TCF4: variants seen among roughly 807,000 people sequenced by gnomAD.
TCF4 encodes SL3-3 enhancer factor 2.
A neutral mutation model predicts 82.1 loss-of-function variants in TCF4; 3 were observed. That is an observed-to-expected ratio of 0.04 (90% CI 0.02 to 0.09). The LOEUF is 0.09. Ranked by LOEUF, TCF4 falls within the 10% of genes least tolerant of loss-of-function variation. The pLI, the probability that TCF4 is intolerant of heterozygous loss-of-function variation, is 1.00. For missense variants in TCF4, 518 were observed against 852.7 expected, an observed-to-expected ratio of 0.61 and a Z score of 4.89; for synonymous variants, 276 against 309.6, an observed-to-expected ratio of 0.89 and a Z score of 1.14.
chr18:55,314,947 T>A (rs2073704678), intron 8 of TCF4, among the ~76,000 whole-genome samples: 1 of 152,058 alleles, frequency 6.6e-6, no homozygotes. Flanking sequence ...AAAAGCCAAG[T>A]CAAATGTTAG....
chr18:55,271,151 C>T (rs1039036704), intron 10 of TCF4, among the ~76,000 whole-genome samples: 1 of 152,066 alleles, frequency 6.6e-6, no homozygotes, highest in African/African-American at 2.4e-5. Context: ...TTGAATTCTA[C>T]CTCTTTCTTG....
At chr18:55,415,307 C>T (rs1450089580) in intron 5 of TCF4, among the ~76,000 whole-genome samples, 2 of 152,094 alleles carry the variant, frequency 1.3e-5, no homozygotes, top group Non-Finnish European at 2.9e-5. Context: ...AACGGCCATA[C>T]TCAGTATTAA....
intron 3 of TCF4, among the ~76,000 whole-genome samples, chr18:55,566,125 A>G (rs1490888002): frequency 6.6e-6 from 1 of 152,126 alleles, no homozygotes; most frequent in Non-Finnish European, 1.5e-5. Flanking sequence ...AGGCAGGAGA[A>G]TGGTGTGAAC....
At chr18:55,414,917 T>C (rs1013998875) in intron 5 of TCF4, among the ~76,000 whole-genome samples, 2 of 152,258 alleles carry the variant, frequency 1.3e-5, no homozygotes, top group Admixed American at 6.5e-5. Flanking sequence ...TTTTATAAAG[T>C]ATTATGATGT....
intron 15 of TCF4, among the ~76,000 whole-genome samples, chr18:55,249,633 T>C (rs991318526): frequency 1.1e-4 from 16 of 152,232 alleles, no homozygotes; most frequent in African/African-American, 3.9e-4. Context: ...CCTACTAGCC[T>C]GTGAATTCCT....
At chr18:55,447,169 G>C (rs1228008689) in intron 5 of TCF4, among the ~76,000 whole-genome samples, 1 of 151,998 alleles carries the variant, frequency 6.6e-6, no homozygotes, top group East Asian at 1.9e-4. Flanking sequence ...AAATTAGCCA[G>C]GTGTGGTGGC....
intron 8 of TCF4, among the ~76,000 whole-genome samples, chr18:55,295,590 T>C (rs562310323): frequency 1.3e-5 from 2 of 152,308 alleles, no homozygotes; most frequent in Admixed American, 6.5e-5. Flanking sequence ...GACTTTTAAA[T>C]TCAATTACTT....
intron 2 of TCF4, chr18:55,596,280 C>T: frequency 3.3e-6 from 1 of 307,414 alleles, no homozygotes; most frequent in South Asian, 2.4e-5. Context: ...TCACTTAAAG[C>T]TATGGCACAT....
At chr18:55,251,936 T>TTTTG (rs1221087542) in intron 15 of TCF4, among the ~76,000 whole-genome samples, 2 of 147,728 alleles carry the variant, frequency 1.4e-5, no homozygotes, top group African/African-American at 4.9e-5. Flanking sequence ...TGAGGTTTTT[T>TTTTG]TTTTTTTTTT....
At chr18:55,344,572 C>A (rs1317301754) in intron 8 of TCF4, among the ~76,000 whole-genome samples, 2 of 152,118 alleles carry the variant, frequency 1.3e-5, no homozygotes, top group Non-Finnish European at 2.9e-5. Context: ...CTTTTCTCAA[C>A]AAGTCCAGTT....
chr18:55,232,368 C>G, intron 17 of TCF4, 141 bp downstream of exon 17: 1 of 880,014 alleles, frequency 1.1e-6, no homozygotes, highest in South Asian at 1.6e-5. Context: ...ACTTTTAGTA[C>G]TTCTAGAGTA....
chr18:55,295,209 T>C (rs2066173395), intron 8 of TCF4, among the ~76,000 whole-genome samples: 1 of 152,206 alleles, frequency 6.6e-6, no homozygotes, highest in South Asian at 2.1e-4. Flanking sequence ...TGTTGTACCA[T>C]GTGTTGCTGT....
At chr18:55,433,087 A>G (rs1194629564) in intron 5 of TCF4, among the ~76,000 whole-genome samples, 7 of 152,200 alleles carry the variant, frequency 4.6e-5, no homozygotes, top group Non-Finnish European at 7.3e-5. Flanking sequence ...GATAACTTAT[A>G]TTTATATCTA....
rs144663022 is a variant in TCF4, at chr18:55,382,020, C to T, written c.369+21434G>A. Among the ~76,000 whole-genome samples the T allele has an allele frequency of 1.5e-3, 222 of 151,936 alleles. 1 individual carries two copies. The highest frequency in any genetic ancestry group is 4.2e-3 in the African/African-American group (173 of 41,446). On this transcript the variant is annotated intron_variant, in intron 6 of 19. Coordinates refer to ENST00000354452, the MANE Select transcript of TCF4 (RefSeq NM_001083962.2). The stretch of plus-strand genomic sequence containing the variant: ...CTTAGAAAATGGCAAAGTCCCTTGA[C>T]CTTCCTTGAAAAAGATATCTGACAT...
At chr18:55,588,636 G>C, upstream of TCF4, 2 of 1,432,760 alleles carry the variant, frequency 1.4e-6, no homozygotes, top group Non-Finnish European at 9.2e-7. Context: ...ACACGGCAAA[G>C]CAAGTTTATA....
At chr18:55,440,405 A>C (rs2095417764) in intron 5 of TCF4, among the ~76,000 whole-genome samples, 1 of 152,148 alleles carries the variant, frequency 6.6e-6, no homozygotes, top group Admixed American at 6.5e-5. Context: ...CTGTTTTAGC[A>C]GGATCCTGAT....
intron 8 of TCF4, 70 bp from the exon 9 acceptor site, chr18:55,279,726 TAAG>T: frequency 4.4e-6 from 7 of 1,605,422 alleles, no homozygotes; most frequent in Non-Finnish European, 6.0e-6. Context: ...CATTCTTATA[TAAG>T]AAGTAGGCAG....
Position 55,314,568 on chromosome 18 carries a change from T to TAA in TCF4, c.550-34914_550-34913dup, listed in dbSNP as rs35480166. Reference sequence around the variant, plus strand: ...TGAGTCATACAGTATTTATTCTCCTTAAAAAAAAAAAAAGACCACACATTC... The same window carrying TAA: ...TGAGTCATACAGTATTTATTCTCCTTAAAAAAAAAAAAAAAGACCACACATTC... On this transcript the variant is annotated intron_variant, in intron 8 of 19. Transcript: ENST00000354452. 2.6e-3 allele frequency among the ~76,000 whole-genome samples: 380 copies of TAA among 144,012 alleles called. 7 individuals are homozygous for TAA. The East Asian group carries it at 0.032, about 12-fold the overall frequency. The allele number at this position is 144,012 out of a possible 152,430, so 94.5% of individuals were successfully genotyped here.
intron 6 of TCF4, among the ~76,000 whole-genome samples, chr18:55,374,772 T>C (rs1258337152): frequency 6.7e-6 from 1 of 149,606 alleles, no homozygotes; most frequent in African/African-American, 2.5e-5. Context: ...TGGTGGCATG[T>C]GCCTATAGTC....
Sources: gnomAD v4.1 joint callset for allele counts (sites outside exome capture counted in the v4.1 genomes callset) on GRCh38, gnomAD v4.1.1 for gene constraint, MANE v1.5 for transcripts, NCBI Gene and HGNC (gene_info 2026-07-23, HGNC 2026-07-21) for gene names.